AK9: variants seen among roughly 807,000 people sequenced by gnomAD.
AK9 encodes the protein adenylate kinase 9.
Under a neutral mutation model 239.6 loss-of-function variants are expected in AK9, and 191 were observed. The ratio of observed to expected loss-of-function variants is 0.80; its 90% confidence interval spans 0.71 to 0.90. The LOEUF is 0.90. AK9 is among the 40% of genes least tolerant of loss of function. AK9 has a pLI of 0.00. For synonymous variants in AK9, 689 were observed against 721.0 expected, an observed-to-expected ratio of 0.96 and a Z score of 0.71; for missense variants, 1,995 against 2,214.7, an observed-to-expected ratio of 0.90 and a Z score of 1.99.
At chr6:109,684,182 G>A (rs757536079) in intron 1 of AK9, among the ~76,000 whole-genome samples, 5 of 152,122 alleles carry the variant, frequency 3.3e-5, no homozygotes, top group Non-Finnish European at 7.4e-5. Flanking sequence ...TGTTGGGAAA[G>A]CTGGCTAGTC....
chr6:109,499,282 A>T, intron 35 of AK9, 42 bp from the exon 36 acceptor site: 1 of 1,336,280 alleles, frequency 7.5e-7, no homozygotes, highest in Non-Finnish European at 9.8e-7. Flanking sequence ...TATATTTTTC[A>T]TAGAGAACGC....
At chr6:109,496,421 CT>C (rs1777043833) in intron 38 of AK9, among the ~76,000 whole-genome samples, 1 of 152,226 alleles carries the variant, frequency 6.6e-6, no homozygotes, top group African/African-American at 2.4e-5. Context: ...CTCAGCTCTG[CT>C]CCTTGGAGCT....
At chr6:109,560,365 A>G (rs755637021) in intron 24 of AK9, among the ~76,000 whole-genome samples, 9 of 152,200 alleles carry the variant, frequency 5.9e-5, no homozygotes, top group Non-Finnish European at 1.3e-4. Flanking sequence ...ATCTTAGGAA[A>G]AAAGCATTCA....
intron 28 of AK9, among the ~76,000 whole-genome samples, chr6:109,530,205 C>T (rs1303183516): frequency 2.6e-5 from 4 of 152,068 alleles, no homozygotes; most frequent in Admixed American, 6.6e-5. Flanking sequence ...CTTTAAATAC[C>T]GGGAAGATAG....
At position 109,515,996 on chromosome 6, in the gene AK9, T is replaced by C. The variant is rs777713341; in HGVS notation, c.3926A>G (p.Asn1309Ser). 58 of 1,551,280 alleles carry C rather than the reference T, an allele frequency of 3.7e-5. No individual in the cohort carries two copies. The highest frequency in any genetic ancestry group is 5.0e-5 in the Non-Finnish European group (57 of 1,146,698). ...TTCCACCAGTGGTTTCAGTTTCATA[T>C]TCAATGTATATTGTACAATGTGATT... ...RRNHIVQYTLNMKLKPLVENR... is the reference protein window; with the variant it reads ...RRNHIVQYTLSMKLKPLVENR... Residue 1309 changes from asparagine (N) to serine (S), a missense_variant, in exon 31 of 41, where the codon AAT (asparagine) becomes AGT (serine). By Grantham distance (46) the Asn-to-Ser change is conservative (BLOSUM62 1). Around this residue, in one of 5 missense-constraint regions of AK9, gnomAD observed 1,290 missense variants for 1,392.7 expected, o/e 0.93. Transcript: ENST00000424296.
chr6:109,513,345 C>T (rs566826337), intron 32 of AK9, among the ~76,000 whole-genome samples: 125 of 151,946 alleles, frequency 8.2e-4, no homozygotes, highest in Non-Finnish European at 1.5e-3. Flanking sequence ...GAACCATATT[C>T]CTTAATAAAA....
chr6:109,646,566 C>G (rs1798091787), intron 8 of AK9, among the ~76,000 whole-genome samples: 1 of 152,054 alleles, frequency 6.6e-6, no homozygotes, highest in African/African-American at 2.4e-5. Flanking sequence ...AATGAAAGAG[C>G]CTCCAAGAAA....
At chr6:109,581,443 G>C (rs1788849133) in intron 19 of AK9, among the ~76,000 whole-genome samples, 1 of 152,136 alleles carries the variant, frequency 6.6e-6, no homozygotes, top group Admixed American at 6.6e-5. Flanking sequence ...TGATACAAAA[G>C]TAAAACAGCC....
At chr6:109,560,144 C>G (rs569647969) in intron 24 of AK9, among the ~76,000 whole-genome samples, 1 of 152,344 alleles carries the variant, frequency 6.6e-6, no homozygotes, top group African/African-American at 2.4e-5. Flanking sequence ...TCACAAGTGT[C>G]AATTCACAGC....
At position 109,542,121 on chromosome 6, in the gene AK9, T is replaced by C. The variant is rs1443282848; in HGVS notation, c.3276A>G (p.Leu1092=). The C allele has an allele frequency of 1.2e-6, 2 of 1,608,532 alleles. No individual in the cohort carries two copies. The highest frequency in any genetic ancestry group is 1.7e-6 in the Non-Finnish European group (2 of 1,176,954). Residue 1092 remains leucine (L), a synonymous_variant, in exon 27 of 41, where the codon CTA becomes CTG. Coordinates refer to ENST00000424296, the MANE Select transcript of AK9 (RefSeq NM_001145128.3). ...TEEEEVIKSS[L]MENEPLPPEI... ...CAGGAGGCAAGGGCTCATTTTCCAT[T>C]AGACTTGATTTGATTACTTCTTCTT...
intron 25 of AK9, among the ~76,000 whole-genome samples, chr6:109,547,846 C>CAAAAAAAAAAAAAAAAA (rs55899214): frequency 8.2e-6 from 1 of 121,850 alleles, no homozygotes; most frequent in Non-Finnish European, 1.7e-5. Flanking sequence ...AGCTCAGTAG[C>CAAAAAAAAAAAAAAAAA]AAAAAAAAAA....
At chr6:109,518,021 A>C (rs1779443048) in intron 29 of AK9, among the ~76,000 whole-genome samples, 1 of 152,052 alleles carries the variant, frequency 6.6e-6, no homozygotes, top group Non-Finnish European at 1.5e-5. Flanking sequence ...AATAATGCTC[A>C]ACACTCCCTC....
chr6:109,641,438 G>A lies in AK9; in HGVS notation c.933+80C>T, dbSNP rs187074493. 992 of 1,114,136 alleles carry A rather than the reference G, an allele frequency of 8.9e-4. 6 individuals carry two copies. The African/African-American group carries it at 0.013, about 15-fold the overall frequency. The allele number at this position is 1,114,136 out of a possible 1,614,324, so 69.0% of individuals were successfully genotyped here. A position where few individuals can be genotyped will look rare whatever the true frequency, so the allele number is the denominator to read the frequency against. On this transcript the variant is annotated intron_variant, in intron 10 of 40. Transcript: ENST00000424296. ...CCTGGGCTCCAGTGATCCTCCCATG[G>A]GATTACAGGTGTGAGCCACTGCACC...
At chr6:109,517,715 G>A (rs375626784) in intron 29 of AK9, among the ~76,000 whole-genome samples, 21 of 152,126 alleles carry the variant, frequency 1.4e-4, no homozygotes, top group African/African-American at 3.9e-4. Context: ...ATGCCTTTTC[G>A]GAGGCTATAG....
At chr6:109,551,327 T>C (rs1254403768) in intron 24 of AK9, among the ~76,000 whole-genome samples, 1 of 152,118 alleles carries the variant, frequency 6.6e-6, no homozygotes, top group Non-Finnish European at 1.5e-5. Context: ...GAGACCAGCC[T>C]GGCCAACATG....
At chr6:109,585,013 A>C (rs1386841248) in intron 19 of AK9, 110 bp downstream of exon 19, 4 of 761,322 alleles carry the variant, frequency 5.3e-6, no homozygotes, top group Admixed American at 6.1e-5. Flanking sequence ...GATCAAGATA[A>C]TAAATTATCA....
chr6:109,575,590 T>C (rs1787965246), intron 20 of AK9, among the ~76,000 whole-genome samples: 1 of 152,236 alleles, frequency 6.6e-6, no homozygotes, highest in Non-Finnish European at 1.5e-5. Flanking sequence ...CTTTGTCAGA[T>C]GCGTAGTTTG....
intron 29 of AK9, among the ~76,000 whole-genome samples, chr6:109,522,888 C>G (rs1780016409): frequency 6.6e-6 from 1 of 152,100 alleles, no homozygotes; most frequent in Non-Finnish European, 1.5e-5. Flanking sequence ...TGAGAAGATG[C>G]AGGAAGCCTG....
At chr6:109,664,712 C>T (rs191787128) in intron 5 of AK9, among the ~76,000 whole-genome samples, 364 of 151,848 alleles carry the variant, frequency 2.4e-3, no homozygotes, top group African/African-American at 8.6e-3. Context: ...CATGAGCCAC[C>T]ACGTCAGGCC....
Sources: gnomAD v4.1 joint callset for allele counts (sites outside exome capture counted in the v4.1 genomes callset) on GRCh38, gnomAD v4.1.1 for gene constraint, gnomAD v4.1.1 regional missense constraint, MANE v1.5 for transcripts, NCBI Gene and HGNC (gene_info 2026-07-23, HGNC 2026-07-21) for gene names.